CAP2: variants seen among roughly 807,000 people sequenced by gnomAD.
CAP2 encodes cyclase associated actin cytoskeleton regulatory protein 2.
Under a neutral mutation model 57.7 loss-of-function variants are expected in CAP2, and 24 were observed. The ratio of observed to expected loss-of-function variants is 0.42; its 90% CI spans 0.30 to 0.58. CAP2 has a LOEUF of 0.58. Among genes scored for constraint, CAP2 ranks in the 20% least tolerant of loss-of-function variants. CAP2 has a pLI of 0.22. For synonymous variants in CAP2, 194 were observed against 207.2 expected (o/e 0.94, Z 0.55); for missense variants, 501 against 590.3 (o/e 0.85, Z 1.57).
chr6:17,511,126 G>A (rs952356719), intron 6 of CAP2, among the ~76,000 whole-genome samples: 5 of 152,212 alleles, frequency 3.3e-5, no homozygotes, highest in African/African-American at 9.7e-5. Context: ...ACAAGAAGCC[G>A]AAGAAATGCA....
chr6:17,513,055 T>C lies in CAP2; in HGVS notation c.531-794T>C, dbSNP rs1762194847. Among the ~76,000 whole-genome samples the C allele has an allele frequency of 6.6e-6, 1 of 152,230 alleles. No homozygotes were observed. Among genetic ancestry groups the C allele is most frequent in the African/African-American group, 2.4e-5 (1 of 41,466 alleles). On this transcript the variant is annotated intron_variant, in intron 6 of 12. Transcript: ENST00000229922. This position sits in a 1 kb window ranked among gnomAD's most constrained non-coding sequence, Gnocchi z 4.3. ...TCTATAAGTGAGAAAAAATATATTA[T>C]AGGTAAAAATTGCCGAAAGGAAATG...
At chr6:17,496,031 G>GGGGT (rs1561804646) in intron 4 of CAP2, among the ~76,000 whole-genome samples, 7 of 134,476 alleles carry the variant, frequency 5.2e-5, no homozygotes, top group African/African-American at 1.4e-4. Context: ...TGTGGGTGGG[G>GGGGT]GGGGGGGGTA....
At chr6:17,453,645 T>C (rs1243506657) in intron 3 of CAP2, among the ~76,000 whole-genome samples, 1 of 152,178 alleles carries the variant, frequency 6.6e-6, no homozygotes, top group Non-Finnish European at 1.5e-5. Flanking sequence ...CTTGGCTCTT[T>C]AGGGATGGAG....
chr6:17,403,900 A>C (rs1018422996), intron 1 of CAP2, among the ~76,000 whole-genome samples: 2 of 152,210 alleles, frequency 1.3e-5, no homozygotes, highest in Non-Finnish European at 2.9e-5. Context: ...TGGAAGTTAC[A>C]TTCTTTGCAA....
intron 3 of CAP2, among the ~76,000 whole-genome samples, chr6:17,439,910 C>T (rs150038754): frequency 6.6e-6 from 1 of 151,582 alleles, no homozygotes; most frequent in African/African-American, 2.4e-5. Flanking sequence ...GTCTGTGTGT[C>T]CTGGGGGTTG....
chr6:17,530,429 T>G (rs1762613573), intron 7 of CAP2, among the ~76,000 whole-genome samples: 1 of 152,142 alleles, frequency 6.6e-6, no homozygotes, highest in Admixed American at 6.5e-5. Flanking sequence ...GACCTATAAG[T>G]TGTCACTGCT....
At chr6:17,539,177 C>A (rs1174860437) in intron 7 of CAP2, 92 bp from the exon 8 acceptor site, 4 of 1,190,536 alleles carry the variant, frequency 3.4e-6, no homozygotes, top group East Asian at 2.4e-5. Flanking sequence ...ACCCCACTCT[C>A]TCATTGGCAG....
chr6:17,414,467 A>C (rs756060015), intron 1 of CAP2, among the ~76,000 whole-genome samples: 1 of 151,942 alleles, frequency 6.6e-6, no homozygotes, highest in Non-Finnish European at 1.5e-5. Context: ...ATGTATTCTC[A>C]ATGTTCAGCC....
intron 3 of CAP2, among the ~76,000 whole-genome samples, chr6:17,449,591 T>G (rs577863165): frequency 2.0e-4 from 30 of 151,944 alleles, no homozygotes; most frequent in Non-Finnish European, 3.8e-4. Flanking sequence ...TATTTTTTAG[T>G]AGAGGCGGGG....
At chr6:17,539,499 C>A (rs1762850034) in intron 8 of CAP2, 41 bp downstream of exon 8, 1 of 1,521,248 alleles carries the variant, frequency 6.6e-7, no homozygotes, top group East Asian at 2.3e-5. Context: ...CTCCCTTTCC[C>A]TCTGGCTCCC....
chr6:17,472,084 C>CAACACAAA, intron 4 of CAP2, among the ~76,000 whole-genome samples: 2 of 24,518 alleles, frequency 8.2e-5, no homozygotes, highest in Non-Finnish European at 6.9e-5. Flanking sequence ...CCTGTAATCC[C>CAACACAAA]AGCACTTTGG....
chr6:17,462,908 A>G (rs374585867), intron 3 of CAP2, 88 bp from the exon 4 acceptor site: 2 of 967,628 alleles, frequency 2.1e-6, no homozygotes, highest in South Asian at 1.3e-5. Flanking sequence ...TTTCTTGGGT[A>G]TATACCTACG....
intron 4 of CAP2, among the ~76,000 whole-genome samples, chr6:17,506,476 C>T (rs1209770133): frequency 6.6e-6 from 1 of 152,096 alleles, no homozygotes; most frequent in Admixed American, 6.5e-5. Flanking sequence ...AACCCCACCT[C>T]TGCTAAAAAT....
intron 4 of CAP2, among the ~76,000 whole-genome samples, chr6:17,495,182 A>T (rs1444042903): frequency 6.6e-6 from 1 of 152,192 alleles, no homozygotes; most frequent in Non-Finnish European, 1.5e-5. Context: ...TGACTAATAC[A>T]TGCCCCTTGC....
intron 1 of CAP2, among the ~76,000 whole-genome samples, chr6:17,420,163 C>T (rs1326377120): frequency 6.6e-6 from 1 of 152,190 alleles, no homozygotes; most frequent in African/African-American, 2.4e-5. Context: ...AGCCACCGCA[C>T]CCAGTCACCC....
rs192924244 is a variant in CAP2 at position 17,552,814 on chromosome 6, T to A, written c.1350+1210T>A. ...ACAGCAATCAACACACAGGTTGATCTCCTTGAGCAGACGGTGTGACTGCTG... is the reference window on the plus strand; with the variant it reads ...ACAGCAATCAACACACAGGTTGATCACCTTGAGCAGACGGTGTGACTGCTG... On this transcript the variant is annotated intron_variant, in intron 12 of 12. Transcript: ENST00000229922. Among the ~76,000 whole-genome samples the A allele has an allele frequency of 2.0e-4, 31 of 152,254 alleles. No individual in the cohort carries two copies. The East Asian group carries it at 5.4e-3, about 27-fold the overall frequency.
Position 17,556,450 on chromosome 6 carries a change from A to G in CAP2, c.*8A>G, listed in dbSNP as rs1426430712. The G allele has an allele frequency of 6.3e-7, 1 of 1,594,764 alleles. No individual in the cohort carries two copies. Among genetic ancestry groups the G allele is most frequent in the Non-Finnish European group, 8.6e-7 (1 of 1,162,324 alleles). ...GCAGAAATTATGGCCTAACTTCCTGAGAGACCGAACCCCCTCACCTGAATC... is the reference window on the plus strand; with the variant it reads ...GCAGAAATTATGGCCTAACTTCCTGGGAGACCGAACCCCCTCACCTGAATC... On this transcript the variant is annotated 3_prime_UTR_variant, in exon 13 of 13. Coordinates refer to ENST00000229922, the MANE Select transcript of CAP2 (RefSeq NM_006366.3).
intron 4 of CAP2, among the ~76,000 whole-genome samples, chr6:17,489,541 G>A (rs144120464): frequency 1.8e-4 from 28 of 152,200 alleles, no homozygotes; most frequent in Non-Finnish European, 3.8e-4. Context: ...GTCCCACATG[G>A]TGCCCCAAAG....
intron 3 of CAP2, among the ~76,000 whole-genome samples, chr6:17,440,958 A>G (rs1346245720): frequency 6.6e-6 from 1 of 151,188 alleles, no homozygotes; most frequent in East Asian, 1.9e-4. Flanking sequence ...GCTCAGAATG[A>G]TGGTTTCCAG....
Sources: gnomAD v4.1 joint callset for allele counts (sites outside exome capture counted in the v4.1 genomes callset) on GRCh38, gnomAD v4.1.1 for gene constraint, Gnocchi (gnomAD v3.1) non-coding constraint, MANE v1.5 for transcripts, NCBI Gene and HGNC (gene_info 2026-07-23, HGNC 2026-07-21) for gene names.